The following TRPC6 variants were observed in gnomAD, a reference collection of about 807,000 sequenced individuals.
The protein encoded by TRPC6 is transient receptor potential cation channel subfamily C member 6.
In TRPC6, 55 loss-of-function variants were observed where a neutral mutation model predicts 90.7. The ratio of observed to expected loss-of-function variants is 0.61; its 90% confidence interval spans 0.49 to 0.76. The LOEUF (loss-of-function observed/expected upper bound fraction) is 0.76, where lower values mean the gene tolerates loss of function less well. Ranked by LOEUF, TRPC6 falls within the 30% of genes least tolerant of loss-of-function variation. TRPC6 has a pLI of 0.00. For missense variants in TRPC6, 989 were observed against 1,122.7 expected (o/e 0.88, Z 1.70); for synonymous variants, 393 against 393.0 (o/e 1.00, Z 0.00).
At chr11:101,497,097 G>T (rs1438159715) in intron 2 of TRPC6, among the ~76,000 whole-genome samples, 1 of 152,166 alleles carries the variant, frequency 6.6e-6, no homozygotes, top group Non-Finnish European at 1.5e-5. Context: ...AGCATACCTG[G>T]ATTTGAATTT....
chr11:101,583,118 G>A (rs1303069515), intron 1 of TRPC6: 2 of 968,884 alleles, frequency 2.1e-6, no homozygotes, highest in Admixed American at 1.2e-4. Flanking sequence ...GCGTACCTAC[G>A]AGGAGCAAAC....
chr11:101,501,104 CAT>C (rs1860110470), intron 2 of TRPC6, among the ~76,000 whole-genome samples: 1 of 151,736 alleles, frequency 6.6e-6, no homozygotes, highest in African/African-American at 2.4e-5. Flanking sequence ...TACATACATA[CAT>C]ACATACATAC....
At chr11:101,499,405 A>G (rs1262957553) in intron 2 of TRPC6, among the ~76,000 whole-genome samples, 2 of 151,830 alleles carry the variant, frequency 1.3e-5, no homozygotes, top group Non-Finnish European at 2.9e-5. Flanking sequence ...TAATCTAGTA[A>G]GATAGTTATC....
chr11:101,501,575 G>A (rs1175515407), intron 2 of TRPC6, among the ~76,000 whole-genome samples: 1 of 152,062 alleles, frequency 6.6e-6, no homozygotes, highest in African/African-American at 2.4e-5. Flanking sequence ...TGGGTGGTGG[G>A]GGAATGTTAT....
chr11:101,558,784 C>T (rs901567132), intron 1 of TRPC6, among the ~76,000 whole-genome samples: 2 of 152,060 alleles, frequency 1.3e-5, no homozygotes, highest in African/African-American at 4.8e-5. Context: ...ATAGTCTCTT[C>T]GATAAATGGT....
chr11:101,577,787 T>C (rs2136900024), intron 1 of TRPC6, among the ~76,000 whole-genome samples: 1 of 152,270 alleles, frequency 6.6e-6, no homozygotes, highest in East Asian at 1.9e-4. Flanking sequence ...GGTAAAGATA[T>C]AGCCTCGCCT....
intron 1 of TRPC6, among the ~76,000 whole-genome samples, chr11:101,516,550 T>C (rs1356572077): frequency 6.6e-6 from 1 of 152,138 alleles, no homozygotes; most frequent in Non-Finnish European, 1.5e-5. Flanking sequence ...CCCTAAACAA[T>C]ACAAATTAGC....
chr11:101,514,861 G>C (rs577393378), intron 1 of TRPC6, among the ~76,000 whole-genome samples: 14 of 152,330 alleles, frequency 9.2e-5, no homozygotes, highest in African/African-American at 3.4e-4. Context: ...TGAGAACTGA[G>C]TCCTTAGGGA....
chr11:101,548,363 C>A (rs7394770), intron 1 of TRPC6, among the ~76,000 whole-genome samples: 1 of 124,244 alleles, frequency 8.0e-6, no homozygotes. Flanking sequence ...ATAATTATAT[C>A]TTATAATTAT....
intron 1 of TRPC6, among the ~76,000 whole-genome samples, chr11:101,552,241 G>A (rs1861466520): frequency 6.6e-6 from 1 of 152,006 alleles, no homozygotes; most frequent in Non-Finnish European, 1.5e-5. Flanking sequence ...ATTTTCCACT[G>A]GGCAGCAGGT....
chr11:101,545,479 T>C (rs539885756), intron 1 of TRPC6, among the ~76,000 whole-genome samples: 3 of 152,300 alleles, frequency 2.0e-5, no homozygotes, highest in Admixed American at 2.0e-4. Flanking sequence ...ATCCATTACA[T>C]TGCCCCAACA....
At chr11:101,522,476 G>A (rs562571036) in intron 1 of TRPC6, among the ~76,000 whole-genome samples, 1 of 152,076 alleles carries the variant, frequency 6.6e-6, no homozygotes, top group African/African-American at 2.4e-5. Context: ...CCAGTCTTAG[G>A]TAGTTCTTTA....
intron 10 of TRPC6, among the ~76,000 whole-genome samples, chr11:101,464,105 G>C (rs1859078670): frequency 6.6e-6 from 1 of 152,166 alleles, no homozygotes; most frequent in South Asian, 2.1e-4. Flanking sequence ...TTTCTATGTA[G>C]TTGTGCGGTT....
intron 1 of TRPC6, among the ~76,000 whole-genome samples, chr11:101,572,693 T>C (rs974635990): frequency 6.6e-6 from 1 of 152,058 alleles, no homozygotes; most frequent in Non-Finnish European, 1.5e-5. Context: ...AAAGGATGAG[T>C]TCATGTCCTT....
chr11:101,476,360 T>C lies in TRPC6; in HGVS notation c.1685A>G (p.Asp562Gly). The change falls in exon 6 of 13, where the codon GAT becomes GGT. Residue 562 changes from aspartate to glycine, a missense_variant. Asp to Gly is a moderately conservative substitution (Grantham distance 94). Coordinates refer to ENST00000344327, the MANE Select transcript of TRPC6 (RefSeq NM_004621.6). Reference sequence around the variant, plus strand: ...TACTTTCGTCAAGTCCTTCAAAGTATCATTTGCGTCAATGATGCTCTGGGC... The same window carrying C: ...TACTTTCGTCAAGTCCTTCAAAGTACCATTTGCGTCAATGATGCTCTGGGC... ...SKAQSIIDAN[D>G]TLKDLTKVTL... The C allele has an allele frequency of 6.2e-7, 1 of 1,614,132 alleles. No homozygotes were observed. The highest frequency in any genetic ancestry group is 8.5e-7 in the Non-Finnish European group (1 of 1,179,998).
chr11:101,567,503 G>A (rs1039765666), intron 1 of TRPC6, among the ~76,000 whole-genome samples: 3 of 152,216 alleles, frequency 2.0e-5, no homozygotes, highest in Admixed American at 6.5e-5. Context: ...CCAGCACAGT[G>A]TTCGAGCTCT....
chr11:101,572,743 CA>C (rs1372751969), intron 1 of TRPC6, among the ~76,000 whole-genome samples: 2 of 152,102 alleles, frequency 1.3e-5, no homozygotes, highest in Non-Finnish European at 2.9e-5. Flanking sequence ...TCACTCTCAG[CA>C]AACTAACACA....
At chr11:101,551,029 T>G (rs1861438065) in intron 1 of TRPC6, among the ~76,000 whole-genome samples, 1 of 151,802 alleles carries the variant, frequency 6.6e-6, no homozygotes, top group African/African-American at 2.4e-5. Flanking sequence ...AGAGCAACTA[T>G]ATGACTACAA....
chr11:101,534,715 G>A (rs1193672677), intron 1 of TRPC6, among the ~76,000 whole-genome samples: 1 of 152,064 alleles, frequency 6.6e-6, no homozygotes, highest in African/African-American at 2.4e-5. Context: ...AGCAAGAGAT[G>A]GTTCACATCT....
Sources: allele counts gnomAD v4.1 joint callset (sites outside exome capture counted in the v4.1 genomes callset), GRCh38; gene constraint gnomAD v4.1.1; transcripts MANE v1.5; gene names NCBI Gene and HGNC (gene_info 2026-07-23, HGNC 2026-07-21).